ANKRD30B: variants seen among roughly 807,000 people sequenced by gnomAD.
ANKRD30B encodes the protein ankyrin repeat domain-containing protein 30B.
A neutral mutation model predicts 202.2 loss-of-function variants in ANKRD30B; 144 were observed. The ratio of observed to expected loss-of-function variants is 0.71; its 90% confidence interval spans 0.62 to 0.82. The LOEUF is 0.82. ANKRD30B is among the 40% of genes least tolerant of loss of function. The pLI is 0.00. For missense variants in ANKRD30B, 1,487 were observed against 1,669.1 expected (o/e 0.89, Z 1.90); for synonymous variants, 508 against 561.3 (o/e 0.91, Z 1.34).
At chr18:14,836,470 A>T (rs1362317484) in intron 34 of ANKRD30B, among the ~76,000 whole-genome samples, 1 of 151,938 alleles carries the variant, frequency 6.6e-6, no homozygotes, top group East Asian at 1.9e-4. Flanking sequence ...GCCTTCTTAT[A>T]ATTTTCCATA....
intron 15 of ANKRD30B, among the ~76,000 whole-genome samples, chr18:14,790,043 G>A (rs890204272): frequency 6.6e-6 from 1 of 152,132 alleles, no homozygotes; most frequent in Non-Finnish European, 1.5e-5. Context: ...TCTTCCATTT[G>A]TTTGTATCCT....
At chr18:14,916,755 C>G in the ANKRD30B span, among the ~76,000 whole-genome samples, 1 of 152,224 alleles carries the variant, frequency 6.6e-6, no homozygotes, top group Non-Finnish European at 1.5e-5. Flanking sequence ...TGAAGGCCAA[C>G]AAGAATGATA....
intron 34 of ANKRD30B, among the ~76,000 whole-genome samples, chr18:14,832,086 G>C (rs1010036918): frequency 6.6e-6 from 1 of 152,064 alleles, no homozygotes; most frequent in Non-Finnish European, 1.5e-5. Context: ...AAATTTATTT[G>C]GGCATGATGG....
At position 14,778,016 on chromosome 18, in the gene ANKRD30B, C is replaced by G. The variant is rs538767050; in HGVS notation, c.1361C>G (p.Thr454Arg). ...IISKSAAQNY[T>R]CLPDATYQKD... The stretch of plus-strand genomic sequence containing the variant: ...TCTAAGAGTGCTGCACAGAATTATA[C>G]GTGTTTACCTGATGCTACATATCAA... Residue 454 changes from threonine to arginine, a missense_variant, in exon 10 of 44, where the codon ACG (threonine) becomes AGG (arginine). Physicochemically the swap from Thr to Arg is moderately conservative, Grantham distance 71. Coordinates refer to ENST00000690538, the MANE Select transcript of ANKRD30B (RefSeq NM_001367607.2). 6.5e-7 allele frequency: 1 copy of G among 1,547,826 alleles called. No individual in the cohort carries two copies. The highest frequency in any genetic ancestry group is 1.4e-5 in the African/African-American group (1 of 72,988).
the ANKRD30B span, among the ~76,000 whole-genome samples, chr18:14,912,724 G>A: frequency 6.6e-6 from 1 of 152,202 alleles, no homozygotes; most frequent in Admixed American, 6.5e-5. Flanking sequence ...GTATAATTAA[G>A]CTGTGAGCCC....
At chr18:14,797,397 C>T (rs1300017726) in intron 18 of ANKRD30B, among the ~76,000 whole-genome samples, 1 of 152,164 alleles carries the variant, frequency 6.6e-6, no homozygotes, top group Non-Finnish European at 1.5e-5. Flanking sequence ...TCCAACCTGG[C>T]ATTGTCTTTA....
intron 28 of ANKRD30B, among the ~76,000 whole-genome samples, chr18:14,811,411 C>G (rs1405932859): frequency 2.0e-5 from 3 of 150,940 alleles, no homozygotes; most frequent in Admixed American, 6.6e-5. Flanking sequence ...CGGGGTTTCA[C>G]CATGTTAGCC....
chr18:14,874,487 T>A, the ANKRD30B span, among the ~76,000 whole-genome samples: 1 of 152,236 alleles, frequency 6.6e-6, no homozygotes, highest in African/African-American at 2.4e-5. Flanking sequence ...TGTATGAACA[T>A]CAACCTTAAC....
the ANKRD30B span, among the ~76,000 whole-genome samples, chr18:14,935,054 T>C: frequency 6.6e-6 from 1 of 152,272 alleles, no homozygotes; most frequent in Non-Finnish European, 1.5e-5. Context: ...CCCACCCCAC[T>C]TAAGTGGAGA....
At chr18:14,903,352 T>C in the ANKRD30B span, among the ~76,000 whole-genome samples, 13 of 152,308 alleles carry the variant, frequency 8.5e-5, 1 homozygote, top group Non-Finnish European at 1.8e-4. Context: ...TAGCCCTATT[T>C]CAGAGGGGAA....
chr18:14,824,437 T>G (rs199723289), intron 32 of ANKRD30B, among the ~76,000 whole-genome samples: 1 of 114,674 alleles, frequency 8.7e-6, no homozygotes. Flanking sequence ...CACTACCCCC[T>G]CTGCCTCCTG....
At position 14,828,300 on chromosome 18, in the gene ANKRD30B, C is replaced by T; in HGVS notation, c.2766C>T (p.Ser922=). The change falls in exon 33 of 44, where the codon TCC becomes TCT. Residue 922 remains serine, a synonymous_variant. Coordinates refer to ENST00000690538, the MANE Select transcript of ANKRD30B (RefSeq NM_001367607.2). ...TAGAGGATGTGAGTTCTGTAGAGTC[C>T]ACATTCAGGTAAGACTTTGCGGTTT... The part of the protein sequence containing the change: ...FKAEDVSSVE[S]TFSLFGKPTT... The T allele has an allele frequency of 6.5e-7, 1 of 1,531,586 alleles. No homozygotes were observed. The highest frequency in any genetic ancestry group is 8.8e-7 in the Non-Finnish European group (1 of 1,139,228). The allele number at this position is 1,531,586 out of a possible 1,614,324, so 94.9% of individuals were successfully genotyped here. A position where few individuals can be genotyped will look rare whatever the true frequency, so the allele number is the denominator to read the frequency against.
the ANKRD30B span, among the ~76,000 whole-genome samples, chr18:14,907,584 G>C: frequency 6.6e-6 from 1 of 152,180 alleles, no homozygotes; most frequent in Non-Finnish European, 1.5e-5. Context: ...GGCCTCCTCT[G>C]GGTCAGACTT....
At chr18:14,888,656 T>G in the ANKRD30B span, 8 of 456,224 alleles carry the variant, frequency 1.8e-5, no homozygotes, top group Non-Finnish European at 3.0e-5. Flanking sequence ...AACAGTCCAC[T>G]TAAAGAAATC....
chr18:14,869,921 G>T, the ANKRD30B span, among the ~76,000 whole-genome samples: 2 of 151,634 alleles, frequency 1.3e-5, no homozygotes, highest in African/African-American at 4.8e-5. Flanking sequence ...CGCAACCTCT[G>T]CCTCCTGGGT....
chr18:14,808,912 G>A (rs1339376476), intron 26 of ANKRD30B, among the ~76,000 whole-genome samples, 168 bp downstream of exon 26: 2 of 150,874 alleles, frequency 1.3e-5, no homozygotes, highest in Non-Finnish European at 3.0e-5. Context: ...TCATTTAGAA[G>A]CATAAGATTT....
chr18:14,782,997 A>G (rs149960855), intron 12 of ANKRD30B, among the ~76,000 whole-genome samples: 1 of 152,126 alleles, frequency 6.6e-6, no homozygotes, highest in African/African-American at 2.4e-5. Flanking sequence ...AAGATAGACC[A>G]TGCTTAGAAA....
chr18:14,914,223 C>T, the ANKRD30B span, among the ~76,000 whole-genome samples: 2,326 of 152,300 alleles, frequency 0.015, 70 homozygotes, highest in African/African-American at 0.054. Context: ...TGTTTATAAG[C>T]AGACTTGCCA....
At position 14,757,924 on chromosome 18, in the gene ANKRD30B, C is replaced by G. The variant is rs371467474; in HGVS notation, c.727C>G (p.Arg243Gly). The change falls in exon 5 of 44, where the codon CGT (arginine) becomes GGT (glycine). Residue 243 changes from arginine to glycine, a missense_variant. Transcript: ENST00000690538. ...AEDIHGITAE[R>G]YAAACGVNYI... ...AGACATACATGGAATAACTGCAGAA[C>G]GTTATGCTGCTGCTTGTGGAGTTAA... 3.1e-6 allele frequency: 5 copies of G among 1,605,742 alleles called. No individual in the cohort carries two copies. The highest frequency in any genetic ancestry group is 3.4e-6 in the Non-Finnish European group (4 of 1,175,580).
Sources: gnomAD v4.1 joint callset for allele counts (sites outside exome capture counted in the v4.1 genomes callset) on GRCh38, gnomAD v4.1.1 for gene constraint, MANE v1.5 for transcripts, NCBI Gene and HGNC (gene_info 2026-07-23, HGNC 2026-07-21) for gene names.